Variants in PPP2R2B observed in about 807,000 individuals in gnomAD.
PPP2R2B encodes protein phosphatase 2 regulatory subunit Bbeta.
In PPP2R2B, 5 loss-of-function variants were observed where a neutral mutation model predicts 46.0. That is an observed-to-expected ratio of 0.11 (90% CI 0.06 to 0.23). The LOEUF is 0.23. Ranked by LOEUF, PPP2R2B falls within the 10% of genes least tolerant of loss-of-function variation. The probability of loss-of-function intolerance (pLI) is 1.00; values close to 1 mark genes in which losing one functional copy is unlikely to be tolerated. For synonymous variants in PPP2R2B, 215 were observed against 206.7 expected (o/e 1.04, Z -0.34); for missense variants, 367 against 575.0 (o/e 0.64, Z 3.70).
chr5:146,600,264 T>A, intron 8 of PPP2R2B, 27 bp downstream of exon 8: 1 of 1,605,932 alleles, frequency 6.2e-7, no homozygotes, highest in Non-Finnish European at 8.5e-7. Context: ...ATGTTCAATA[T>A]ACCTATGGGT....
At chr5:146,782,222 C>T (rs1253178491) in intron 2 of PPP2R2B, among the ~76,000 whole-genome samples, 1 of 152,082 alleles carries the variant, frequency 6.6e-6, no homozygotes, top group Non-Finnish European at 1.5e-5. Context: ...TATAAATTAC[C>T]CAGTCTCAGG....
intron 1 of PPP2R2B, among the ~76,000 whole-genome samples, chr5:146,916,979 T>C (rs1763411152): frequency 6.6e-6 from 1 of 152,116 alleles, no homozygotes; most frequent in South Asian, 2.1e-4. Context: ...AAAGGTATTT[T>C]TGTGAGAAGT....
intron 2 of PPP2R2B, among the ~76,000 whole-genome samples, chr5:146,753,210 A>C (rs887127250): frequency 2.6e-5 from 4 of 152,206 alleles, no homozygotes; most frequent in Non-Finnish European, 5.9e-5. Flanking sequence ...TACCTACTTA[A>C]CAGGGCTGCT....
At chr5:146,967,610 T>A (rs540332610) in intron 1 of PPP2R2B, among the ~76,000 whole-genome samples, 1 of 152,226 alleles carries the variant, frequency 6.6e-6, no homozygotes, top group East Asian at 1.9e-4. Context: ...CCAGGACATT[T>A]CCTTTGCTGA....
upstream of PPP2R2B, among the ~76,000 whole-genome samples, chr5:147,058,002 C>A (rs1257273859): frequency 6.6e-6 from 1 of 152,132 alleles, no homozygotes; most frequent in Non-Finnish European, 1.5e-5. Context: ...GTAGTATCAG[C>A]CCTTAATTAC....
At chr5:147,042,155 C>T (rs1486182789) in intron 1 of PPP2R2B, among the ~76,000 whole-genome samples, 1 of 152,158 alleles carries the variant, frequency 6.6e-6, no homozygotes, top group African/African-American at 2.4e-5. Context: ...GAACTGTTTA[C>T]TTTCCTGTAA....
intron 1 of PPP2R2B, among the ~76,000 whole-genome samples, chr5:146,897,645 G>C (rs983368864): frequency 6.6e-6 from 1 of 151,990 alleles, no homozygotes; most frequent in Non-Finnish European, 1.5e-5. Context: ...AAAAGAACAA[G>C]ATAAACAAAT....
intron 2 of PPP2R2B, among the ~76,000 whole-genome samples, chr5:146,703,747 A>G (rs916288069): frequency 7.9e-5 from 12 of 152,226 alleles, no homozygotes; most frequent in African/African-American, 2.9e-4. Context: ...TCAAAGTCAC[A>G]TGATTTAAGC....
At chr5:146,743,096 G>A (rs1752973805) in intron 2 of PPP2R2B, among the ~76,000 whole-genome samples, 1 of 152,098 alleles carries the variant, frequency 6.6e-6, no homozygotes, top group Admixed American at 6.5e-5. Flanking sequence ...ACTTTGCTAT[G>A]GCAGCCCTAG....
At chr5:146,702,769 A>C (rs1236927431) in intron 2 of PPP2R2B, among the ~76,000 whole-genome samples, 1 of 152,258 alleles carries the variant, frequency 6.6e-6, no homozygotes, top group Non-Finnish European at 1.5e-5. Flanking sequence ...TCTAATGTAC[A>C]GAGTCTTCAT....
chr5:146,748,277 CTTTTAA>C (rs1264992518), intron 2 of PPP2R2B, among the ~76,000 whole-genome samples: 3 of 151,858 alleles, frequency 2.0e-5, no homozygotes, highest in Non-Finnish European at 4.4e-5. Context: ...AAAAATTAAG[CTTTTAA>C]TTTTGAGATT....
chr5:147,067,087 C>T (rs193134877), intron 2 of PPP2R2B, among the ~76,000 whole-genome samples: 187 of 152,254 alleles, frequency 1.2e-3, no homozygotes, highest in South Asian at 6.4e-3. Context: ...TCTACATTTA[C>T]GGTGTACAAC....
intron 2 of PPP2R2B, among the ~76,000 whole-genome samples, chr5:146,810,406 TA>T (rs1757455054): frequency 6.6e-6 from 1 of 152,104 alleles, no homozygotes; most frequent in Non-Finnish European, 1.5e-5. Context: ...ATGAAAACAG[TA>T]TGGAGAAAAC....
intron 5 of PPP2R2B, among the ~76,000 whole-genome samples, chr5:146,658,957 C>T (rs1776518346): frequency 2.0e-5 from 3 of 152,060 alleles, no homozygotes; most frequent in South Asian, 4.2e-4. Flanking sequence ...AACAACTAAA[C>T]CCAGAAGATA....
At chr5:147,057,837 A>G (rs1757138123), upstream of PPP2R2B, among the ~76,000 whole-genome samples, 1 of 152,156 alleles carries the variant, frequency 6.6e-6, no homozygotes, top group Admixed American at 6.5e-5. Context: ...AACTTACTTA[A>G]CATATTTTAG....
At chr5:147,039,176 T>C (rs1394418616) in intron 1 of PPP2R2B, among the ~76,000 whole-genome samples, 3 of 152,142 alleles carry the variant, frequency 2.0e-5, no homozygotes, top group Non-Finnish European at 4.4e-5. Flanking sequence ...TCTTCAGAGA[T>C]GCCTTCCCTG....
intron 1 of PPP2R2B, among the ~76,000 whole-genome samples, chr5:146,906,833 C>G (rs530789337): frequency 6.6e-6 from 1 of 152,222 alleles, no homozygotes; most frequent in South Asian, 2.1e-4. Flanking sequence ...CACTGTATGC[C>G]CTTGTCAAAA....
At chr5:146,707,078 A>T (rs1779910377) in intron 2 of PPP2R2B, 2 of 1,358,202 alleles carry the variant, frequency 1.5e-6, no homozygotes, top group East Asian at 4.6e-5. Flanking sequence ...TCATCCTCAT[A>T]GTTGTTCTTG....
At chr5:146,933,599 C>T (rs1447364892) in intron 1 of PPP2R2B, among the ~76,000 whole-genome samples, 4 of 152,004 alleles carry the variant, frequency 2.6e-5, no homozygotes, top group Non-Finnish European at 4.4e-5. Context: ...TACCAAGCTT[C>T]CAGAGAGAAG....
Sources: allele counts gnomAD v4.1 joint callset (sites outside exome capture counted in the v4.1 genomes callset), GRCh38; gene constraint gnomAD v4.1.1; transcripts MANE v1.5; gene names NCBI Gene and HGNC (gene_info 2026-07-23, HGNC 2026-07-21).